SPACA6: variants seen among roughly 807,000 people sequenced by gnomAD.
SPACA6 encodes the protein sperm acrosome membrane-associated protein 6.
For synonymous variants in SPACA6, 6 were observed against 1.5 expected (o/e 4.05, Z -2.21); for missense variants, 8 against 2.8 (o/e 2.88, Z -1.34).
At chr19:51,695,622 C>T (rs2083424171) in intron 2 of SPACA6, among the ~76,000 whole-genome samples, 1 of 152,212 alleles carries the variant, frequency 6.6e-6, no homozygotes, top group African/African-American at 2.4e-5. Flanking sequence ...AGGCCCTAAA[C>T]CTCTCCATGT....
chr19:51,701,566 C>G (rs1420874974), intron 2 of SPACA6, 92 bp from the exon 3 acceptor site: 6 of 395,102 alleles, frequency 1.5e-5, no homozygotes, highest in Non-Finnish European at 2.7e-5. Flanking sequence ...GCCAGCCTAG[C>G]CCTAGCCAGG....
upstream of SPACA6, among the ~76,000 whole-genome samples, chr19:51,684,944 A>G (rs1263219962): frequency 6.6e-6 from 1 of 152,154 alleles, no homozygotes; most frequent in African/African-American, 2.4e-5. Context: ...ATCCCCCCAC[A>G]TGGAAGGATT....
At chr19:51,693,845 A>T (rs148622260) in intron 1 of SPACA6, 105 bp downstream of exon 1, 251 of 400,846 alleles carry the variant, frequency 6.3e-4, no homozygotes, top group African/African-American at 4.7e-3. Flanking sequence ...AGAAACAGTC[A>T]GAGGAGAAAG....
downstream of SPACA6, among the ~76,000 whole-genome samples, chr19:51,707,363 A>G (rs1641114929): frequency 6.6e-6 from 1 of 151,950 alleles, no homozygotes; most frequent in South Asian, 2.1e-4. Flanking sequence ...TGGGACTACA[A>G]AGGCGTGTGC....
At chr19:51,701,562 C>G in intron 2 of SPACA6, 96 bp from the exon 3 acceptor site, 1 of 394,814 alleles carries the variant, frequency 2.5e-6, no homozygotes, top group Non-Finnish European at 4.5e-6. Flanking sequence ...TAGGGCCAGC[C>G]TAGCCCTAGC....
At chr19:51,683,663 T>C in the SPACA6 span, among the ~76,000 whole-genome samples, 5 of 152,248 alleles carry the variant, frequency 3.3e-5, no homozygotes, top group Admixed American at 3.3e-4. Context: ...CTGTATTAAT[T>C]TGTAGGCATA....
chr19:51,704,690 G>T, intron 8 of SPACA6: 1 of 389,996 alleles, frequency 2.6e-6, no homozygotes. Flanking sequence ...TAAGAGTCCA[G>T]GCCCCCAGCC....
In SPACA6 at chr19:51,703,771, C is replaced by G. The variant is rs1381156457; in HGVS notation, c.574-259C>G. ...TATGATCGCGCCACTGCACTGCAGC[C>G]TGGGCGCCAGAACGAGACCCTGTCT... is the stretch of plus-strand genomic sequence containing the variant. On this transcript the variant is annotated intron_variant, in intron 6 of 8. Transcript: ENST00000637797. This position sits in a 1 kb window ranked among gnomAD's most constrained non-coding sequence, Gnocchi z 4.2. Among the ~76,000 whole-genome samples, 1 of 151,954 alleles carries G rather than the reference C, an allele frequency of 6.6e-6. No homozygotes were observed.
upstream of SPACA6, among the ~76,000 whole-genome samples, chr19:51,691,234 A>G (rs1382661790): frequency 1.3e-5 from 2 of 151,050 alleles, no homozygotes; most frequent in African/African-American, 2.4e-5. Flanking sequence ...AGACCCAAAG[A>G]GAGAAGGGGG....
At chr19:51,685,656 C>T (rs2083324950), upstream of SPACA6, 1 of 152,138 alleles carries the variant, frequency 6.6e-6, no homozygotes, top group Non-Finnish European at 1.5e-5. Flanking sequence ...GGAGAAGAAG[C>T]ATGCATCACC....
chr19:51,702,982 G>A (rs1215538080), intron 4 of SPACA6, 39 bp from the exon 5 acceptor site: 2 of 399,202 alleles, frequency 5.0e-6, no homozygotes, highest in Non-Finnish European at 8.8e-6. Flanking sequence ...GGGCTTGGAA[G>A]GGCAGGTGGC....
At chr19:51,699,672 T>C (rs1162359552) in intron 2 of SPACA6, among the ~76,000 whole-genome samples, 2 of 152,130 alleles carry the variant, frequency 1.3e-5, no homozygotes, top group African/African-American at 4.8e-5. Flanking sequence ...TAATTTCCTC[T>C]TCTCATAAGG....
At chr19:51,711,058 C>T (rs543685192) in intron 2 of SPACA6, among the ~76,000 whole-genome samples, 9 of 152,018 alleles carry the variant, frequency 5.9e-5, no homozygotes, top group African/African-American at 1.7e-4. Flanking sequence ...CCAGCCTGGG[C>T]GACAGAGCAA....
intron 2 of SPACA6, 150 bp downstream of exon 2, chr19:51,694,705 C>T: frequency 2.5e-6 from 1 of 396,868 alleles, no homozygotes; most frequent in Non-Finnish European, 4.4e-6. Context: ...AGCTCAGCTA[C>T]TTGTCCAAAC....
At chr19:51,685,335 T>G (rs1056188249), upstream of SPACA6, 1 of 152,202 alleles carries the variant, frequency 6.6e-6, no homozygotes, top group African/African-American at 2.4e-5. Context: ...GCATCCCTTA[T>G]CCAAAATACT....
At chr19:51,683,257 AT>A in the SPACA6 span, among the ~76,000 whole-genome samples, 1 of 151,680 alleles carries the variant, frequency 6.6e-6, no homozygotes, top group African/African-American at 2.4e-5. Flanking sequence ...CTTCCCAAGT[AT>A]TTTATCTGCA....
At chr19:51,692,859 C>T (rs755693563), upstream of SPACA6, 2 of 534,368 alleles carry the variant, frequency 3.7e-6, no homozygotes, top group Non-Finnish European at 7.7e-6. This position sits in a 1 kb window ranked among gnomAD's most constrained non-coding sequence, Gnocchi z 5.6. Context: ...CCTAGCTTTC[C>T]CCAGGCTGCG....
downstream of SPACA6, chr19:51,712,403 G>A (rs78566523): frequency 0.017 from 2,648 of 152,250 alleles, 34 homozygotes; most frequent in Non-Finnish European, 0.027. Flanking sequence ...GCTATTAACC[G>A]AAATAGAAAT....
At chr19:51,695,605 A>T (rs534148900) in intron 2 of SPACA6, among the ~76,000 whole-genome samples, 1 of 152,278 alleles carries the variant, frequency 6.6e-6, no homozygotes, top group African/African-American at 2.4e-5. Flanking sequence ...CCCTAAAGGG[A>T]GACCTGAGGC....
Sources: allele counts gnomAD v4.1 joint callset (sites outside exome capture counted in the v4.1 genomes callset), GRCh38; gene constraint gnomAD v4.1.1; non-coding constraint Gnocchi (gnomAD v3.1); transcripts MANE v1.5; gene names NCBI Gene and HGNC (gene_info 2026-07-23, HGNC 2026-07-21).